Variants in CST7 observed in about 807,000 individuals in gnomAD.
CST7 encodes cystatin F.
In CST7, 15 loss-of-function variants were observed where a neutral mutation model predicts 13.1. The ratio of observed to expected loss-of-function variants is 1.14; its 90% confidence interval spans 0.77 to 1.76. The LOEUF (loss-of-function observed/expected upper bound fraction) is 1.76, where lower values mean the gene tolerates loss of function less well. Among genes scored for constraint, CST7 ranks in the 40% most tolerant of loss-of-function variants. CST7 has a pLI of 0.00. For synonymous variants in CST7, 75 were observed against 66.9 expected, an observed-to-expected ratio of 1.12 and a Z score of -0.59; for missense variants, 193 against 178.8, an observed-to-expected ratio of 1.08 and a Z score of -0.45.
Position 24,959,847 on chromosome 20 carries a change from G to A in CST7, c.*135G>A. On this transcript the variant is annotated 3_prime_UTR_variant, in exon 4 of 4. Coordinates refer to ENST00000480798, the MANE Select transcript of CST7 (RefSeq NM_003650.4). ...ACGAGTGAGCGGGTGAAGTGCCACT[G>A]GGTCACCGCAGGGCAGCTGGAATGG... The A allele has an allele frequency of 2.5e-6, 2 of 809,994 alleles. No homozygotes were observed. The highest frequency in any genetic ancestry group is 4.2e-6 in the Non-Finnish European group (2 of 473,040). 50.2% of individuals were successfully genotyped at this position (809,994 alleles called of 1,614,324 possible).
intron 1 of CST7, among the ~76,000 whole-genome samples, chr20:24,954,247 C>T (rs1280840082): frequency 2.6e-5 from 4 of 152,230 alleles, no homozygotes; most frequent in Non-Finnish European, 5.9e-5. Flanking sequence ...TTGGTCTCCT[C>T]GCCTGCAGAA....
chr20:24,952,978 G>A lies in CST7; in HGVS notation c.70+3403G>A, dbSNP rs370506067. 6.1e-3 allele frequency among the ~76,000 whole-genome samples: 932 copies of A among 152,082 alleles called. 15 individuals carry two copies. Among genetic ancestry groups the A allele is most frequent in the African/African-American group, 0.022 (908 of 41,458 alleles). Reference sequence around the variant, plus strand: ...CCCTGCCCATGTTTTCTCTCCTCAGGTTGGCTTAGTGCCAGCTCTGCCACT... The same window carrying A: ...CCCTGCCCATGTTTTCTCTCCTCAGATTGGCTTAGTGCCAGCTCTGCCACT... On this transcript the variant is annotated intron_variant, in intron 1 of 3. Coordinates refer to ENST00000480798, the MANE Select transcript of CST7 (RefSeq NM_003650.4).
chr20:24,952,966 T>C (rs1013806276), intron 1 of CST7, among the ~76,000 whole-genome samples: 3 of 8,286 alleles, frequency 3.6e-4, no homozygotes, highest in Admixed American at 2.9e-3. Flanking sequence ...TGCCCATGTT[T>C]TCTCTCCTCA....
intron 1 of CST7, among the ~76,000 whole-genome samples, chr20:24,950,685 C>T (rs774375469): frequency 6.6e-5 from 10 of 152,004 alleles, no homozygotes; most frequent in Non-Finnish European, 1.0e-4. Flanking sequence ...ACAGCATACC[C>T]GGCCCTGCCT....
intron 3 of CST7, among the ~76,000 whole-genome samples, chr20:24,959,367 T>C (rs2087880906): frequency 6.6e-6 from 1 of 152,154 alleles, no homozygotes; most frequent in South Asian, 2.1e-4. Context: ...ATCATATACA[T>C]ACATATGATA....
intron 2 of CST7, among the ~76,000 whole-genome samples, chr20:24,957,968 G>A (rs796386259): frequency 1.3e-5 from 2 of 152,226 alleles, no homozygotes; most frequent in African/African-American, 4.8e-5. Context: ...TACTGCGCCC[G>A]CTCAGCACCC....
At chr20:24,957,546 TATAATGTGAAGTCC>T in intron 2 of CST7, 87 bp downstream of exon 2, 1 of 1,364,388 alleles carries the variant, frequency 7.3e-7, no homozygotes, top group Non-Finnish European at 1.0e-6. Flanking sequence ...GCAGGGCGGA[TATAATGTGAAGTCC>T]CTGCTGAGTG....
At chr20:24,957,172 G>C (rs2087863633) in intron 1 of CST7, 115 bp from the exon 2 acceptor site, 6 of 977,318 alleles carry the variant, frequency 6.1e-6, no homozygotes, top group Non-Finnish European at 7.3e-6. Flanking sequence ...GGGTGGGTAG[G>C]GCCAGGACAC....
chr20:24,949,786 G>A (rs1466764259), intron 1 of CST7, among the ~76,000 whole-genome samples: 3 of 152,224 alleles, frequency 2.0e-5, no homozygotes, highest in South Asian at 4.1e-4. Context: ...TGAAGGGTTT[G>A]GGGGCTGCCC....
rs143087959 is a variant in CST7, at chr20:24,959,144, C to T, written c.360+100C>T. ...CCGTCACCACGTCTCTAACGCAGCG[C>T]CCCAAACCTCACCCCTGAGGAAGCC... is the stretch of plus-strand genomic sequence containing the variant. On this transcript the variant is annotated intron_variant, in intron 3 of 3. Transcript: ENST00000480798. The T allele has an allele frequency of 3.7e-5, 35 of 947,018 alleles. No individual in the cohort carries two copies. In the East Asian group the frequency reaches 8.3e-4, roughly 22 times the overall value. The allele number at this position is 947,018 out of a possible 1,614,324, so 58.7% of individuals were successfully genotyped here.
At chr20:24,954,025 C>T (rs1568805008) in intron 1 of CST7, among the ~76,000 whole-genome samples, 2 of 152,096 alleles carry the variant, frequency 1.3e-5, no homozygotes, top group African/African-American at 2.4e-5. Context: ...CCCTGCCCCT[C>T]TGCTCACCCA....
chr20:24,958,873 G>C, intron 2 of CST7, 55 bp from the exon 3 acceptor site: 1 of 1,332,958 alleles, frequency 7.5e-7, no homozygotes, highest in East Asian at 2.3e-5. Context: ...TCCTAGTGGA[G>C]AAGCCTGCCC....
Position 24,953,460 on chromosome 20 carries a change from A to AG in CST7, c.71-3826dup, listed in dbSNP as rs111864602. Among the ~76,000 whole-genome samples, 929 of 152,314 alleles carry AG rather than the reference A, an allele frequency of 6.1e-3. 15 individuals are homozygous for AG. Among genetic ancestry groups the AG allele is most frequent in the African/African-American group, 0.022 (905 of 41,562 alleles). On this transcript the variant is annotated intron_variant, in intron 1 of 3. Transcript: ENST00000480798. ...TGGGATCTGAAAAACATCTTGGGCC[A>AG]GCAGCAGCCTGATTCAAGCTTAATT...
intron 1 of CST7, 47 bp from the exon 2 acceptor site, chr20:24,957,240 G>A (rs1806206849): frequency 1.9e-6 from 3 of 1,583,768 alleles, no homozygotes; most frequent in Non-Finnish European, 2.6e-6. Context: ...CTGGACTGAA[G>A]GCCCCACTAA....
At chr20:24,952,775 C>T (rs1023775954) in intron 1 of CST7, among the ~76,000 whole-genome samples, 1 of 152,208 alleles carries the variant, frequency 6.6e-6, no homozygotes, top group Non-Finnish European at 1.5e-5. Flanking sequence ...GTCCAGCTCT[C>T]GGCACCCAGG....
intron 2 of CST7, among the ~76,000 whole-genome samples, chr20:24,958,033 G>T (rs2087870807): frequency 6.6e-6 from 1 of 152,184 alleles, no homozygotes; most frequent in South Asian, 2.1e-4. Flanking sequence ...GCTAATGTGG[G>T]ATGCAGGCTG....
At chr20:24,959,213 G>A (rs113065993) in intron 3 of CST7, among the ~76,000 whole-genome samples, 169 bp downstream of exon 3, 12 of 152,318 alleles carry the variant, frequency 7.9e-5, no homozygotes, top group African/African-American at 2.9e-4. Flanking sequence ...GGGAGAACAG[G>A]AGGTAGAGCC....
intron 3 of CST7, among the ~76,000 whole-genome samples, chr20:24,959,418 A>T (rs1294932617): frequency 6.6e-6 from 1 of 152,206 alleles, no homozygotes; most frequent in Non-Finnish European, 1.5e-5. Context: ...CTCTGCAGAG[A>T]GAGCAAGAGA....
chr20:24,957,447 G>A lies in CST7; in HGVS notation c.231G>A (p.Arg77=). The A allele has an allele frequency of 6.2e-7, 1 of 1,613,564 alleles. No individual in the cohort carries two copies. The highest frequency in any genetic ancestry group is 8.5e-7 in the Non-Finnish European group (1 of 1,179,686). The stretch of plus-strand genomic sequence containing the variant: ...TGTTCAAGGAGTCCCGCATCACAAG[G>A]GCCCTAGTTCAGGTAACGGTCTGGG... ...MFLFKESRIT[R]ALVQIVKGLK... is the part of the protein sequence containing the mutation. The change falls in exon 2 of 4, where the codon AGG becomes AGA. Residue 77 remains arginine (R), a synonymous_variant. Coordinates refer to ENST00000480798, the MANE Select transcript of CST7 (RefSeq NM_003650.4).
Sources: allele counts gnomAD v4.1 joint callset (sites outside exome capture counted in the v4.1 genomes callset), GRCh38; gene constraint gnomAD v4.1.1; transcripts MANE v1.5; gene names NCBI Gene and HGNC (gene_info 2026-07-23, HGNC 2026-07-21).